The following DTNBP1 variants were observed in gnomAD, a reference collection of about 807,000 sequenced individuals.
DTNBP1 encodes dystrobrevin binding protein 1.
In DTNBP1, 35 loss-of-function variants were observed where a neutral mutation model predicts 42.8. That is an observed-to-expected ratio of 0.82 (90% CI 0.63 to 1.09). The LOEUF (loss-of-function observed/expected upper bound fraction) is 1.09, where lower values mean the gene tolerates loss of function less well. Ranked by LOEUF, DTNBP1 falls within the 50% of genes least tolerant of loss-of-function variation. The probability of loss-of-function intolerance (pLI) is 0.00; values close to 1 mark genes in which losing one functional copy is unlikely to be tolerated. For missense variants in DTNBP1, 457 were observed against 424.2 expected (o/e 1.08, Z -0.68); for synonymous variants, 171 against 162.2 (o/e 1.05, Z -0.41).
At chr6:15,529,055 T>A (rs1772625019) in intron 8 of DTNBP1, among the ~76,000 whole-genome samples, 1 of 152,184 alleles carries the variant, frequency 6.6e-6, no homozygotes, top group South Asian at 2.1e-4. Flanking sequence ...GAGGCCCAGG[T>A]GGGAGGATCA....
intron 9 of DTNBP1, chr6:15,524,152 A>C (rs1304578227): frequency 7.1e-7 from 1 of 1,413,784 alleles, no homozygotes; most frequent in East Asian, 3.4e-5. Context: ...TGTCGCACGA[A>C]GAGGGAAGAG....
chr6:15,588,014 A>G (rs1301606384), intron 7 of DTNBP1, among the ~76,000 whole-genome samples: 1 of 152,232 alleles, frequency 6.6e-6, no homozygotes, highest in Non-Finnish European at 1.5e-5. Flanking sequence ...ATAAAAATGT[A>G]TGTCAACACA....
chr6:15,627,479 C>T lies in DTNBP1; in HGVS notation c.223-4G>A, dbSNP rs1259581838. The T allele has an allele frequency of 2.5e-6, 4 of 1,613,826 alleles. No homozygotes were observed. Among genetic ancestry groups the T allele is most frequent in the Admixed American group, 1.7e-5 (1 of 59,994 alleles). Reference sequence around the variant, plus strand: ...TGACCACCTCGCTATCCACCAGCTGCAGCACACAAGAAGGGGGGTAAAGTG... The same window carrying T: ...TGACCACCTCGCTATCCACCAGCTGTAGCACACAAGAAGGGGGGTAAAGTG... On this transcript the variant is annotated splice_polypyrimidine_tract_variant and splice_region_variant and intron_variant, in intron 4 of 9. Coordinates refer to ENST00000344537, the MANE Select transcript of DTNBP1 (RefSeq NM_032122.5).
chr6:15,629,889 G>C (rs1047729348), intron 4 of DTNBP1, among the ~76,000 whole-genome samples: 1 of 152,056 alleles, frequency 6.6e-6, no homozygotes, highest in Non-Finnish European at 1.5e-5. Flanking sequence ...AAGGGAAGAA[G>C]AAAAGTAAAA....
At chr6:15,593,980 A>G (rs1412480089) in intron 6 of DTNBP1, among the ~76,000 whole-genome samples, 1 of 152,224 alleles carries the variant, frequency 6.6e-6, no homozygotes, top group Admixed American at 6.5e-5. Flanking sequence ...TACACTCAAC[A>G]GCTGCTAGAA....
chr6:15,551,426 C>A (rs1426053661), intron 7 of DTNBP1, among the ~76,000 whole-genome samples: 3 of 152,088 alleles, frequency 2.0e-5, no homozygotes, highest in African/African-American at 7.2e-5. Context: ...CAGGAAGTAT[C>A]CCTAGGAAGC....
intron 7 of DTNBP1, among the ~76,000 whole-genome samples, chr6:15,590,306 T>C (rs1200589633): frequency 6.6e-6 from 1 of 152,174 alleles, no homozygotes; most frequent in Non-Finnish European, 1.5e-5. Context: ...CAATGACCTG[T>C]TCATTGTCAA....
intron 5 of DTNBP1, among the ~76,000 whole-genome samples, chr6:15,625,266 C>T (rs1428614971): frequency 1.3e-5 from 2 of 152,144 alleles, no homozygotes; most frequent in Non-Finnish European, 2.9e-5. Flanking sequence ...ACCATCCAGA[C>T]ATACCTTCTA....
chr6:15,607,010 ATT>A (rs3045755), intron 6 of DTNBP1, among the ~76,000 whole-genome samples: 12 of 138,032 alleles, frequency 8.7e-5, no homozygotes, highest in Non-Finnish European at 3.1e-5. Context: ...TCAAAAAAAA[ATT>A]TTTTTTTTTT....
intron 7 of DTNBP1, among the ~76,000 whole-genome samples, chr6:15,545,771 A>G (rs1773834987): frequency 6.6e-6 from 1 of 152,202 alleles, no homozygotes; most frequent in Non-Finnish European, 1.5e-5. Context: ...AATTCCTATC[A>G]ATTACCTTAA....
At chr6:15,576,163 G>A (rs1345811090) in intron 7 of DTNBP1, among the ~76,000 whole-genome samples, 1 of 151,620 alleles carries the variant, frequency 6.6e-6, no homozygotes, top group Non-Finnish European at 1.5e-5. Context: ...CTGTTGCCCA[G>A]GCTGGAGTGC....
intron 7 of DTNBP1, among the ~76,000 whole-genome samples, chr6:15,534,647 G>A (rs1184767307): frequency 5.3e-5 from 6 of 112,874 alleles, no homozygotes; most frequent in East Asian, 2.6e-4. Context: ...GAGACAGAGC[G>A]AGACTCTGTC....
chr6:15,568,751 CTTAG>C (rs1391958432), intron 7 of DTNBP1, among the ~76,000 whole-genome samples: 2 of 152,102 alleles, frequency 1.3e-5, no homozygotes, highest in African/African-American at 4.8e-5. Context: ...TTATAATTTT[CTTAG>C]TTACATTTTA....
chr6:15,661,810 A>C (rs1473704791), intron 1 of DTNBP1, among the ~76,000 whole-genome samples: 2 of 152,264 alleles, frequency 1.3e-5, no homozygotes, highest in African/African-American at 4.8e-5. Flanking sequence ...TTAAGCACTA[A>C]GTAACAATAC....
intron 8 of DTNBP1, among the ~76,000 whole-genome samples, chr6:15,531,512 A>T (rs1178211553): frequency 6.6e-6 from 1 of 152,232 alleles, no homozygotes; most frequent in Non-Finnish European, 1.5e-5. Context: ...TTGGAAGGTA[A>T]ACAAGCATCA....
intron 3 of DTNBP1, among the ~76,000 whole-genome samples, chr6:15,642,718 A>T (rs1025445577): frequency 2.0e-4 from 30 of 152,264 alleles, no homozygotes; most frequent in Middle Eastern, 3.4e-3. Flanking sequence ...ATAACCAAGG[A>T]CCCCATATAG....
intron 6 of DTNBP1, among the ~76,000 whole-genome samples, chr6:15,608,980 C>G (rs1758235404): frequency 6.6e-6 from 1 of 152,144 alleles, no homozygotes; most frequent in South Asian, 2.1e-4. Flanking sequence ...TGGACAACTT[C>G]CTTATGTTAT....
intron 3 of DTNBP1, among the ~76,000 whole-genome samples, chr6:15,648,426 A>G (rs1366727543): frequency 6.6e-6 from 1 of 152,036 alleles, no homozygotes; most frequent in African/African-American, 2.4e-5. Flanking sequence ...AAGAAATAAA[A>G]GGTATTCAAA....
intron 6 of DTNBP1, among the ~76,000 whole-genome samples, chr6:15,606,116 A>G (rs1364038797): frequency 6.6e-6 from 1 of 152,234 alleles, no homozygotes; most frequent in Non-Finnish European, 1.5e-5. Context: ...AATGTTTCTC[A>G]AGGGTAGGTA....
Sources: allele counts gnomAD v4.1 joint callset (sites outside exome capture counted in the v4.1 genomes callset), GRCh38; gene constraint gnomAD v4.1.1; transcripts MANE v1.5; gene names NCBI Gene and HGNC (gene_info 2026-07-23, HGNC 2026-07-21).